KIAA1328: variants seen among roughly 807,000 people sequenced by gnomAD.
KIAA1328 encodes protein hinderin.
Under a neutral mutation model 68.1 loss-of-function variants are expected in KIAA1328, and 52 were observed. The ratio of observed to expected loss-of-function variants is 0.76; its 90% CI spans 0.61 to 0.96. The LOEUF is 0.96. Among genes scored for constraint, KIAA1328 ranks in the 40% least tolerant of loss-of-function variants. The pLI is 0.00. For missense variants in KIAA1328, 641 were observed against 677.6 expected (o/e 0.95, Z 0.60); for synonymous variants, 232 against 239.4 (o/e 0.97, Z 0.28).
At chr18:36,863,654 T>C (rs556619667) in intron 4 of KIAA1328, among the ~76,000 whole-genome samples, 1 of 152,284 alleles carries the variant, frequency 6.6e-6, no homozygotes, top group South Asian at 2.1e-4. Context: ...ATGAACATGG[T>C]ATGTTGCTCC....
At chr18:36,860,198 G>A (rs1006993317) in intron 4 of KIAA1328, among the ~76,000 whole-genome samples, 4 of 152,090 alleles carry the variant, frequency 2.6e-5, no homozygotes, top group Non-Finnish European at 5.9e-5. Flanking sequence ...AGCATACCAT[G>A]TGGTCGTATT....
intron 8 of KIAA1328, among the ~76,000 whole-genome samples, chr18:37,170,952 G>A (rs1029374812): frequency 6.6e-6 from 1 of 152,072 alleles, no homozygotes; most frequent in African/African-American, 2.4e-5. Flanking sequence ...ATGGGCAAGA[G>A]GGAACCTTCT....
intron 5 of KIAA1328, among the ~76,000 whole-genome samples, chr18:36,953,300 T>A (rs2051242838): frequency 6.8e-6 from 1 of 147,214 alleles, no homozygotes; most frequent in Non-Finnish European, 1.5e-5. Context: ...TTATATTTAT[T>A]ATATACAAAT....
In KIAA1328 at chr18:37,224,383, A is replaced by T. The variant is rs762316709; in HGVS notation, c.*2156A>T. ...TTATTGCTTCTTTGCCTCTCCATGA[A>T]TGGCCAATTTGGAAAAGCAGAGATG... On this transcript the variant is annotated 3_prime_UTR_variant, in exon 10 of 10. Transcript: ENST00000280020. 2.0e-6 allele frequency: 2 copies of T among 985,158 alleles called. No homozygotes were observed. The highest frequency in any genetic ancestry group is 1.2e-4 in the Admixed American group (2 of 16,256). The allele number at this position is 985,158 out of a possible 1,614,324, so 61.0% of individuals were successfully genotyped here.
At chr18:37,207,821 T>A (rs1287729709) in intron 9 of KIAA1328, among the ~76,000 whole-genome samples, 1 of 152,206 alleles carries the variant, frequency 6.6e-6, no homozygotes, top group Non-Finnish European at 1.5e-5. Context: ...TAAATTCATT[T>A]ATTTATTGAG....
intron 6 of KIAA1328, among the ~76,000 whole-genome samples, chr18:36,959,984 A>T (rs919381310): frequency 3.3e-5 from 5 of 152,226 alleles, no homozygotes; most frequent in African/African-American, 7.2e-5. Context: ...GAATGCTCAG[A>T]ACCCTGCCAG....
chr18:37,021,069 C>T (rs2054328439), intron 6 of KIAA1328, among the ~76,000 whole-genome samples: 1 of 152,124 alleles, frequency 6.6e-6, no homozygotes, highest in Non-Finnish European at 1.5e-5. Context: ...GTATAGGACT[C>T]CCCAAATGAA....
chr18:37,094,116 A>G (rs1360529841), intron 7 of KIAA1328, among the ~76,000 whole-genome samples: 1 of 152,172 alleles, frequency 6.6e-6, no homozygotes, highest in African/African-American at 2.4e-5. Flanking sequence ...GGAGCATGCA[A>G]CCTACATCCC....
At chr18:36,948,953 G>C (rs1297075294) in intron 5 of KIAA1328, among the ~76,000 whole-genome samples, 1 of 152,192 alleles carries the variant, frequency 6.6e-6, no homozygotes, top group Non-Finnish European at 1.5e-5. Flanking sequence ...CAACTTCACT[G>C]ATCAGCCTTT....
chr18:36,986,161 G>GTT (rs140633181), intron 6 of KIAA1328, among the ~76,000 whole-genome samples: 3 of 145,502 alleles, frequency 2.1e-5, no homozygotes, highest in Non-Finnish European at 3.0e-5. Context: ...TTCACAGCAG[G>GTT]TTTTTTTTTT....
chr18:37,019,938 G>A (rs2054282839), intron 6 of KIAA1328, among the ~76,000 whole-genome samples: 1 of 152,142 alleles, frequency 6.6e-6, no homozygotes, highest in Admixed American at 6.5e-5. Flanking sequence ...CCTGTACCAG[G>A]ATGTTCACAC....
chr18:37,223,326 G>A lies in KIAA1328; in HGVS notation c.*1099G>A, dbSNP rs2060597866. 1.0e-6 allele frequency: 1 copy of A among 985,240 alleles called. No homozygotes were observed. Among genetic ancestry groups the A allele is most frequent in the African/African-American group, 1.7e-5 (1 of 57,212 alleles). The allele number at this position is 985,240 out of a possible 1,614,324, so 61.0% of individuals were successfully genotyped here. On this transcript the variant is annotated 3_prime_UTR_variant, in exon 10 of 10. Transcript: ENST00000280020. ...TTCTCACTGGCCTCGTTTTGACCCA[G>A]AGAAAGCCTATGGAAGTTATGCAGT... is the stretch of plus-strand genomic sequence containing the variant.
intron 7 of KIAA1328, among the ~76,000 whole-genome samples, chr18:37,151,879 C>T (rs2059038227): frequency 6.6e-6 from 1 of 151,896 alleles, no homozygotes; most frequent in Non-Finnish European, 1.5e-5. Flanking sequence ...AGGAGGGCTT[C>T]CATATGGGAA....
At chr18:36,836,389 T>G (rs2046675356) in intron 3 of KIAA1328, among the ~76,000 whole-genome samples, 1 of 152,220 alleles carries the variant, frequency 6.6e-6, no homozygotes, top group Non-Finnish European at 1.5e-5. Context: ...CTATAACTTT[T>G]GATTGGATTA....
At chr18:36,982,395 G>GA (rs1222214535) in intron 6 of KIAA1328, among the ~76,000 whole-genome samples, 1 of 150,772 alleles carries the variant, frequency 6.6e-6, no homozygotes, top group Non-Finnish European at 1.5e-5. Flanking sequence ...AAAGTAGCCA[G>GA]AAAAAAAATA....
chr18:36,961,500 A>C (rs189354133), intron 6 of KIAA1328, among the ~76,000 whole-genome samples: 1 of 152,310 alleles, frequency 6.6e-6, no homozygotes, highest in Non-Finnish European at 1.5e-5. Context: ...GAGCAACCCC[A>C]AGACACGTAA....
chr18:37,151,192 A>G (rs886952542), intron 7 of KIAA1328, among the ~76,000 whole-genome samples: 4 of 152,204 alleles, frequency 2.6e-5, no homozygotes, highest in Non-Finnish European at 4.4e-5. Flanking sequence ...CATCAAAACC[A>G]TCAAATAATG....
chr18:37,023,764 A>G (rs2054442683), intron 6 of KIAA1328, among the ~76,000 whole-genome samples: 4 of 152,128 alleles, frequency 2.6e-5, no homozygotes, highest in Admixed American at 2.6e-4. Flanking sequence ...TCCCCCCATG[A>G]CAGTTGAACA....
intron 6 of KIAA1328, among the ~76,000 whole-genome samples, chr18:37,016,311 T>C (rs2054151305): frequency 6.6e-6 from 1 of 152,224 alleles, no homozygotes; most frequent in South Asian, 2.1e-4. Context: ...TTAAATTGTA[T>C]TTGTTGAACC....
Sources: gnomAD v4.1 joint callset for allele counts (sites outside exome capture counted in the v4.1 genomes callset) on GRCh38, gnomAD v4.1.1 for gene constraint, MANE v1.5 for transcripts, NCBI Gene and HGNC (gene_info 2026-07-23, HGNC 2026-07-21) for gene names.